Variants in MYOM1 observed in about 807,000 individuals in gnomAD.
The protein encoded by MYOM1 is myomesin-1.
Under a neutral mutation model 205.3 loss-of-function variants are expected in MYOM1, and 164 were observed. That is an observed-to-expected ratio of 0.80 (90% CI 0.70 to 0.91). The LOEUF (loss-of-function observed/expected upper bound fraction) is 0.91. MYOM1 is among the 40% of genes least tolerant of loss of function. MYOM1 has a pLI of 0.00. For missense variants in MYOM1, 2,011 were observed against 2,127.3 expected, an observed-to-expected ratio of 0.95 and a Z score of 1.08; for synonymous variants, 772 against 789.4, an observed-to-expected ratio of 0.98 and a Z score of 0.37.
Position 3,201,039 on chromosome 18 carries a change from A to T in MYOM1, c.291-7081T>A, listed in dbSNP as rs573913428. Among the ~76,000 whole-genome samples the T allele has an allele frequency of 1.6e-4, 24 of 152,306 alleles. No homozygotes were observed. The East Asian group carries it at 4.6e-3, about 29-fold the overall frequency. On this transcript the variant is annotated intron_variant, in intron 2 of 37. Transcript: ENST00000356443. ...GGAACAATAATACTGTTAATGGTAG[A>T]CTTCTCATCAGGAAAAATGGCACCG...
At chr18:3,071,446 C>T (rs1398899815) in intron 37 of MYOM1, among the ~76,000 whole-genome samples, 1 of 152,146 alleles carries the variant, frequency 6.6e-6, no homozygotes, top group Non-Finnish European at 1.5e-5. Flanking sequence ...GTAACCTCCA[C>T]CTCCCAGGTT....
rs758842235 is a variant in MYOM1 at position 3,151,651 on chromosome 18, T to A, written c.1843+43A>T. On this transcript the variant is annotated intron_variant, in intron 12 of 37. Transcript: ENST00000356443. ...ATGAAGCTGATTCTTGCAGTCATTT[T>A]AAAAAGGTTTAGGGAAGGTCCTGAA... 2.3e-5 allele frequency: 36 copies of A among 1,532,594 alleles called. 1 individual carries two copies. The Middle Eastern group carries it at 7.2e-4, about 31-fold the overall frequency. The allele number at this position is 1,532,594 out of a possible 1,614,324, so 94.9% of individuals were successfully genotyped here.
the MYOM1 span, among the ~76,000 whole-genome samples, chr18:3,242,818 T>C: frequency 2.6e-5 from 4 of 152,342 alleles, no homozygotes; most frequent in East Asian, 5.8e-4. Context: ...CTCGGGTATG[T>C]CTTTATCAGC....
In MYOM1 at chr18:3,212,157, T is replaced by C. The variant is rs117634578; in HGVS notation, c.290+2777A>G. ...ACATTGAATTATTCAAAGGAAAACA[T>C]ATTGGCATTTTCCCTCCTCTTGTTT... On this transcript the variant is annotated intron_variant, in intron 2 of 37. Coordinates refer to ENST00000356443, the MANE Select transcript of MYOM1 (RefSeq NM_003803.4). 2.3e-3 allele frequency among the ~76,000 whole-genome samples: 353 copies of C among 152,332 alleles called. 5 individuals are homozygous for C. The highest frequency in any genetic ancestry group is 0.012 in the East Asian group (63 of 5,186).
intron 20 of MYOM1, among the ~76,000 whole-genome samples, chr18:3,117,889 AT>A (rs2079628866): frequency 6.6e-6 from 1 of 152,220 alleles, no homozygotes. Context: ...ATATTTAAAT[AT>A]TAATACCAAA....
At chr18:3,109,203 G>C (rs1449288641) in intron 22 of MYOM1, among the ~76,000 whole-genome samples, 1 of 151,226 alleles carries the variant, frequency 6.6e-6, no homozygotes, top group African/African-American at 2.4e-5. Flanking sequence ...GGCTAGTCTC[G>C]AACCCCTGAC....
At chr18:3,182,622 C>T (rs754771607) in intron 5 of MYOM1, among the ~76,000 whole-genome samples, 3 of 152,158 alleles carry the variant, frequency 2.0e-5, no homozygotes, top group Non-Finnish European at 4.4e-5. Flanking sequence ...GTCCCTTTGA[C>T]AAGGCTCCCC....
the MYOM1 span, among the ~76,000 whole-genome samples, chr18:3,230,499 C>T: frequency 1.3e-5 from 2 of 152,234 alleles, no homozygotes; most frequent in African/African-American, 4.8e-5. Flanking sequence ...TGGTTGCCGG[C>T]CAAGTTTTCA....
At chr18:3,208,318 A>G (rs1040826232) in intron 2 of MYOM1, among the ~76,000 whole-genome samples, 24 of 152,230 alleles carry the variant, frequency 1.6e-4, no homozygotes, top group African/African-American at 5.8e-4. Context: ...GTTTGAGACC[A>G]GCCTGAGCAA....
chr18:3,105,381 ATT>A (rs1287680874), intron 22 of MYOM1, among the ~76,000 whole-genome samples: 2 of 152,238 alleles, frequency 1.3e-5, no homozygotes, highest in African/African-American at 4.8e-5. Flanking sequence ...AAAAGCTCTT[ATT>A]GAATTGCATA....
At chr18:3,112,057 TC>T (rs1229574809) in intron 22 of MYOM1, among the ~76,000 whole-genome samples, 3 of 152,110 alleles carry the variant, frequency 2.0e-5, no homozygotes, top group Non-Finnish European at 4.4e-5. Flanking sequence ...ATCAAGAACT[TC>T]CGGGTTTTTA....
chr18:3,225,233 C>T, the MYOM1 span, among the ~76,000 whole-genome samples: 8 of 152,122 alleles, frequency 5.3e-5, no homozygotes, highest in South Asian at 4.1e-4. Context: ...GTGATCTGCC[C>T]GCCTTGGCCT....
chr18:3,187,780 C>T (rs2080840227), intron 4 of MYOM1, 143 bp from the exon 5 acceptor site: 1 of 664,710 alleles, frequency 1.5e-6, no homozygotes, highest in African/African-American at 1.8e-5. Flanking sequence ...AATGCACTCC[C>T]TTCTCCCTTT....
At chr18:3,190,185 C>A (rs1335648501) in intron 3 of MYOM1, among the ~76,000 whole-genome samples, 3 of 152,112 alleles carry the variant, frequency 2.0e-5, no homozygotes, top group Non-Finnish European at 4.4e-5. Context: ...TTATTCATGT[C>A]GTTTAAAAAT....
At chr18:3,207,899 C>G (rs1327322107) in intron 2 of MYOM1, among the ~76,000 whole-genome samples, 2 of 152,304 alleles carry the variant, frequency 1.3e-5, no homozygotes, top group East Asian at 3.9e-4. Context: ...GCCATCTCAA[C>G]TTGATTTAGG....
At chr18:3,157,342 A>C (rs1185531356) in intron 10 of MYOM1, among the ~76,000 whole-genome samples, 1 of 152,022 alleles carries the variant, frequency 6.6e-6, no homozygotes, top group Non-Finnish European at 1.5e-5. Context: ...TCATTCATTC[A>C]TTCTCTCATT....
rs1010506812 is a variant in MYOM1 at position 3,196,811 on chromosome 18, C to T, written c.291-2853G>A. ...TAGCCAAGGTACAAAATGCACTCTC[C>T]GGAAATATTCCAGGAACTCAGAAGT... is the stretch of plus-strand genomic sequence containing the variant. On this transcript the variant is annotated intron_variant, in intron 2 of 37. Coordinates refer to ENST00000356443, the MANE Select transcript of MYOM1 (RefSeq NM_003803.4). Among the ~76,000 whole-genome samples, 13 of 152,278 alleles carry T rather than the reference C, an allele frequency of 8.5e-5. 1 individual carries two copies. Among genetic ancestry groups the T allele is most frequent in the South Asian group, 8.3e-4 (4 of 4,828 alleles).
At chr18:3,084,669 G>T (rs143458958) in intron 31 of MYOM1, among the ~76,000 whole-genome samples, 14 of 152,246 alleles carry the variant, frequency 9.2e-5, no homozygotes, top group Non-Finnish European at 1.3e-4. Flanking sequence ...AAACTGCAAG[G>T]CTTCACATTT....
chr18:3,151,502 T>TAAAATAAAACAAAATAAAATAAAAC (rs2080221831), intron 12 of MYOM1, among the ~76,000 whole-genome samples, 192 bp downstream of exon 12: 1 of 142,622 alleles, frequency 7.0e-6, no homozygotes, highest in African/African-American at 2.6e-5. Context: ...TAAAATAAAA[T>TAAAATAAAACAAAATAAAATAAAAC]AAAACCCTTA....
Sources: gnomAD v4.1 joint callset for allele counts (sites outside exome capture counted in the v4.1 genomes callset) on GRCh38, gnomAD v4.1.1 for gene constraint, MANE v1.5 for transcripts, NCBI Gene and HGNC (gene_info 2026-07-23, HGNC 2026-07-21) for gene names.